BMPR1A: variants seen among roughly 807,000 people sequenced by gnomAD.
The protein encoded by BMPR1A is bone morphogenetic protein receptor type 1A.
A neutral mutation model predicts 66.0 loss-of-function variants in BMPR1A; 7 were observed. The ratio of observed to expected loss-of-function variants is 0.11; its 90% CI spans 0.06 to 0.20. The LOEUF (loss-of-function observed/expected upper bound fraction) is 0.20, where lower values mean the gene tolerates loss of function less well. Ranked by LOEUF, BMPR1A falls within the 10% of genes least tolerant of loss-of-function variation. BMPR1A has a pLI of 1.00. For missense variants in BMPR1A, 408 were observed against 669.1 expected, an observed-to-expected ratio of 0.61 and a Z score of 4.31; for synonymous variants, 200 against 229.7, an observed-to-expected ratio of 0.87 and a Z score of 1.17.
rs546880588 is a variant in BMPR1A at position 86,903,828 on chromosome 10, G to A, written c.530+3702G>A. 1.8e-4 allele frequency among the ~76,000 whole-genome samples: 27 copies of A among 152,048 alleles called. 1 individual carries two copies. The highest frequency in any genetic ancestry group is 6.8e-3 in the Middle Eastern group (2 of 294). On this transcript the variant is annotated intron_variant, in intron 7 of 12. Coordinates refer to ENST00000372037, the MANE Select transcript of BMPR1A (RefSeq NM_004329.3). ...TTCATCGTGTTAGCCAGATGGTCTC[G>A]ATCTCCTGACCTCATGATCCGCCCG...
chr10:86,774,029 T>G (rs1841307428), intron 1 of BMPR1A, among the ~76,000 whole-genome samples: 1 of 151,982 alleles, frequency 6.6e-6, no homozygotes, highest in Non-Finnish European at 1.5e-5. Flanking sequence ...TTTTGTATTT[T>G]TAGTAGAGAC....
chr10:86,853,247 CT>C (rs1295307679), intron 2 of BMPR1A, among the ~76,000 whole-genome samples: 4 of 151,790 alleles, frequency 2.6e-5, no homozygotes, highest in Non-Finnish European at 5.9e-5. Context: ...GAACCACCCA[CT>C]TTCATATATT....
chr10:86,861,025 TAG>T (rs2133233744), intron 2 of BMPR1A, among the ~76,000 whole-genome samples: 1 of 151,870 alleles, frequency 6.6e-6, no homozygotes, highest in Non-Finnish European at 1.5e-5. Flanking sequence ...GTATTTTTAG[TAG>T]AGACAGGGTT....
In BMPR1A at chr10:86,831,983, A is replaced by G. The variant is rs116605621; in HGVS notation, c.-267-6882A>G. Among the ~76,000 whole-genome samples, 1,063 of 152,302 alleles carry G rather than the reference A, an allele frequency of 7.0e-3. 12 individuals are homozygous for G. The highest frequency in any genetic ancestry group is 0.025 in the African/African-American group (1,032 of 41,546). ...TATGGCTATACTCAAGTTTTTTGTA[A>G]AGATGATATACCTATAAGTAGGTAA... On this transcript the variant is annotated intron_variant, in intron 1 of 12. Transcript: ENST00000372037.
chr10:86,883,143 AC>A (rs1843015011), intron 3 of BMPR1A, among the ~76,000 whole-genome samples: 1 of 152,022 alleles, frequency 6.6e-6, no homozygotes, highest in African/African-American at 2.4e-5. Flanking sequence ...TCCCTCACCC[AC>A]GTCACCCTTG....
At position 86,840,322 on chromosome 10, in the gene BMPR1A, C is replaced by T. The variant is rs999830759; in HGVS notation, c.-153+1343C>T. The stretch of plus-strand genomic sequence containing the variant: ...CTGGATTAGATCTTCTAAAAAATAA[C>T]GTAACTCTCGAATTCTTTTGTTAGG... On this transcript the variant is annotated intron_variant, in intron 2 of 12. Transcript: ENST00000372037. 1.6e-4 allele frequency among the ~76,000 whole-genome samples: 25 copies of T among 152,180 alleles called. 1 individual carries two copies. Among genetic ancestry groups the T allele is most frequent in the Non-Finnish European group, 2.5e-4 (17 of 68,026 alleles).
chr10:86,909,972 T>C (rs1294407659), intron 7 of BMPR1A, among the ~76,000 whole-genome samples: 3 of 152,170 alleles, frequency 2.0e-5, no homozygotes, highest in African/African-American at 7.2e-5. Flanking sequence ...CAGTAATTCC[T>C]ACTACAGATA....
Position 86,876,519 on chromosome 10 carries a change from C to G in BMPR1A, c.67+434C>G, listed in dbSNP as rs550680119. Among the ~76,000 whole-genome samples, 13 of 152,270 alleles carry G rather than the reference C, an allele frequency of 8.5e-5. No individual in the cohort carries two copies. The East Asian group carries it at 2.5e-3, about 29-fold the overall frequency. ...ATTTTATTGGCCAGGCACAGTGGCT[C>G]ACACCTGTAATCCCAGCGCTTTGGG... On this transcript the variant is annotated intron_variant, in intron 3 of 12. Coordinates refer to ENST00000372037, the MANE Select transcript of BMPR1A (RefSeq NM_004329.3).
Position 86,806,574 on chromosome 10 carries a change from A to G in BMPR1A, c.-267-32291A>G, listed in dbSNP as rs549300381. ...ATAGTCCTTATGGATTTTTTTCATC[A>G]GGGTCTCACTCCTGTTGCCCAGACT... On this transcript the variant is annotated intron_variant, in intron 1 of 12. Transcript: ENST00000372037. 4.6e-5 allele frequency among the ~76,000 whole-genome samples: 7 copies of G among 152,168 alleles called. No homozygotes were observed. In the South Asian group the frequency reaches 1.5e-3, roughly 32 times the overall value.
At chr10:86,777,599 A>G (rs1841372368) in intron 1 of BMPR1A, among the ~76,000 whole-genome samples, 2 of 152,046 alleles carry the variant, frequency 1.3e-5, no homozygotes, top group African/African-American at 4.8e-5. Context: ...AAAAAAGAAC[A>G]TGTATTTACC....
chr10:86,802,152 G>T (rs541653013), intron 1 of BMPR1A, among the ~76,000 whole-genome samples: 1 of 152,210 alleles, frequency 6.6e-6, no homozygotes, highest in African/African-American at 2.4e-5. Flanking sequence ...GCTCTCCTGT[G>T]CCAAACTCTT....
chr10:86,815,282 C>G (rs897909729), intron 1 of BMPR1A, among the ~76,000 whole-genome samples: 4 of 152,158 alleles, frequency 2.6e-5, no homozygotes, highest in African/African-American at 9.7e-5. Flanking sequence ...TACTACTGCC[C>G]CTCACTTTTA....
intron 2 of BMPR1A, among the ~76,000 whole-genome samples, chr10:86,863,272 G>A (rs1026243569): frequency 6.6e-6 from 1 of 152,076 alleles, no homozygotes; most frequent in Non-Finnish European, 1.5e-5. Flanking sequence ...GCCACTGTGC[G>A]GGCCTTAGCT....
intron 2 of BMPR1A, among the ~76,000 whole-genome samples, chr10:86,863,591 TG>T (rs1842741563): frequency 6.6e-6 from 1 of 152,204 alleles, no homozygotes. Flanking sequence ...TCCCGGGATC[TG>T]GCTTCTTTCA....
At position 86,927,183 on chromosome 10, in the gene BMPR1A, C is replaced by A. The variant is rs1843758373; in HGVS notation, c.*3464C>A. The A allele has an allele frequency of 5.3e-6, 1 of 187,042 alleles. No homozygotes were observed. Among genetic ancestry groups the A allele is most frequent in the South Asian group, 1.9e-4 (1 of 5,130 alleles). 11.6% of individuals were successfully genotyped at this position (187,042 alleles called of 1,614,324 possible). A position where few individuals can be genotyped will look rare whatever the true frequency, so the allele number is the denominator to read the frequency against. On this transcript the variant is annotated 3_prime_UTR_variant, in exon 13 of 13. Coordinates refer to ENST00000372037, the MANE Select transcript of BMPR1A (RefSeq NM_004329.3). ...CTTTGTTCTGTTTAGAACAAAAATG[C>A]ACTATAGTTTTTAAAGAATCATGCA... is the stretch of plus-strand genomic sequence containing the variant.
At chr10:86,843,705 C>A (rs996301764) in intron 2 of BMPR1A, among the ~76,000 whole-genome samples, 3 of 152,100 alleles carry the variant, frequency 2.0e-5, no homozygotes, top group African/African-American at 7.2e-5. Context: ...TGGAAAAGTG[C>A]ATGGATAGAA....
chr10:86,923,103 C>A (rs761770740), intron 11 of BMPR1A, among the ~76,000 whole-genome samples: 16 of 152,150 alleles, frequency 1.1e-4, no homozygotes, highest in African/African-American at 3.4e-4. Flanking sequence ...TGGCTGATTT[C>A]GCCTTGCTTA....
intron 1 of BMPR1A, among the ~76,000 whole-genome samples, chr10:86,811,558 G>C (rs991241726): frequency 2.0e-5 from 3 of 152,106 alleles, no homozygotes; most frequent in African/African-American, 4.8e-5. Flanking sequence ...GTACAGTTCA[G>C]CTTCTCTCTG....
intron 2 of BMPR1A, among the ~76,000 whole-genome samples, chr10:86,839,592 CAAAAAAAA>C (rs1210538965): frequency 4.1e-5 from 3 of 73,056 alleles, no homozygotes; most frequent in African/African-American, 5.5e-5. Context: ...GACTCTGTCT[CAAAAAAAA>C]AAAAAAAAAA....
Sources: gnomAD v4.1 joint callset for allele counts (sites outside exome capture counted in the v4.1 genomes callset) on GRCh38, gnomAD v4.1.1 for gene constraint, MANE v1.5 for transcripts, NCBI Gene and HGNC (gene_info 2026-07-23, HGNC 2026-07-21) for gene names.